RBFOX2: variants seen among roughly 807,000 people sequenced by gnomAD.
The protein encoded by RBFOX2 is RNA binding protein fox-1 homolog 2.
In RBFOX2, 10 loss-of-function variants were observed where a neutral mutation model predicts 49.1. That is an observed-to-expected ratio of 0.20 (90% CI 0.13 to 0.35). RBFOX2 has a LOEUF of 0.35. Ranked by LOEUF, RBFOX2 falls within the 10% of genes least tolerant of loss-of-function variation. The pLI is 1.00. For missense variants in RBFOX2, 323 were observed against 486.9 expected (o/e 0.66, Z 3.17); for synonymous variants, 183 against 187.4 (o/e 0.98, Z 0.19).
At chr22:35,849,298 AACACACACACACACAC>A (rs61515031) in intron 1 of RBFOX2, among the ~76,000 whole-genome samples, 1 of 133,238 alleles carries the variant, frequency 7.5e-6, no homozygotes, top group African/African-American at 2.9e-5. Flanking sequence ...TACACACACA[AACACACACACACACAC>A]ACACACACAC....
At chr22:35,760,725 A>T (rs1164214890) in intron 8 of RBFOX2, among the ~76,000 whole-genome samples, 1 of 152,190 alleles carries the variant, frequency 6.6e-6, no homozygotes, top group Non-Finnish European at 1.5e-5. Flanking sequence ...GCATGCAGAG[A>T]CATTGATTCC....
At chr22:35,871,163 G>A (rs2044308153) in intron 1 of RBFOX2, among the ~76,000 whole-genome samples, 1 of 152,200 alleles carries the variant, frequency 6.6e-6, no homozygotes, top group Non-Finnish European at 1.5e-5. Flanking sequence ...CCTGGGGAGA[G>A]ACAGATGAAT....
Position 35,932,570 on chromosome 22 carries a change from T to C in RBFOX2, c.-34+6277A>G, listed in dbSNP as rs542760076. Among the ~76,000 whole-genome samples the C allele has an allele frequency of 3.3e-5, 5 of 152,310 alleles. No individual in the cohort carries two copies. The South Asian group carries it at 8.3e-4, about 25-fold the overall frequency. ...AAAAAAATATAGTTTTGAGAAGTCA[T>C]TGACAAGCATTTTAAACATCAAAGA... On this transcript the variant is annotated intron_variant, in intron 1 of 13. Coordinates refer to the RBFOX2 transcript ENST00000359369.
intron 1 of RBFOX2, among the ~76,000 whole-genome samples, chr22:35,970,341 T>G (rs2056799544): frequency 6.6e-6 from 1 of 152,140 alleles, no homozygotes; most frequent in African/African-American, 2.4e-5. Flanking sequence ...GAGGATATAT[T>G]GTACATTTAG....
intron 1 of RBFOX2, among the ~76,000 whole-genome samples, chr22:35,881,241 G>A (rs1384861402): frequency 1.3e-5 from 2 of 151,280 alleles, no homozygotes; most frequent in Admixed American, 1.3e-4. Flanking sequence ...CTCCAGCTTG[G>A]CAACAGAGTG....
At chr22:35,891,385 G>A (rs1318832810) in intron 1 of RBFOX2, among the ~76,000 whole-genome samples, 3 of 151,820 alleles carry the variant, frequency 2.0e-5, no homozygotes, top group Non-Finnish European at 2.9e-5. Context: ...CGCCATCCTC[G>A]GCCTTCCAAA....
intron 4 of RBFOX2, among the ~76,000 whole-genome samples, chr22:35,773,763 T>G (rs1187950257): frequency 6.6e-6 from 1 of 152,078 alleles, no homozygotes; most frequent in African/African-American, 2.4e-5. Flanking sequence ...ATGTAAATGT[T>G]ACAATCTGTG....
At chr22:35,885,952 G>C (rs966833413) in intron 1 of RBFOX2, among the ~76,000 whole-genome samples, 2 of 147,788 alleles carry the variant, frequency 1.4e-5, no homozygotes, top group East Asian at 4.1e-4. Flanking sequence ...CACCTCCCGG[G>C]TCCACGCCAT....
At chr22:35,967,455 C>T (rs1245755692) in intron 1 of RBFOX2, among the ~76,000 whole-genome samples, 1 of 149,730 alleles carries the variant, frequency 6.7e-6, no homozygotes, top group African/African-American at 2.5e-5. Context: ...CCTAATAGGT[C>T]AAACAACTCA....
Position 35,792,946 on chromosome 22 carries a change from T to C in RBFOX2, c.253-11200A>G, listed in dbSNP as rs140500930. ...TAAAGTACTTTTGTTTTAATTTTCT[T>C]GGAGACAGGGTCTCCCAATGTTGCC... On this transcript the variant is annotated intron_variant, in intron 2 of 11. Transcript: ENST00000405409. 7.4e-3 allele frequency among the ~76,000 whole-genome samples: 1,128 copies of C among 152,366 alleles called. 4 individuals are homozygous for C. Among genetic ancestry groups the C allele is most frequent in the Middle Eastern group, 0.014 (4 of 294 alleles).
At chr22:35,762,387 T>C (rs1939206692) in intron 6 of RBFOX2, among the ~76,000 whole-genome samples, 1 of 151,984 alleles carries the variant, frequency 6.6e-6, no homozygotes, top group Non-Finnish European at 1.5e-5. Context: ...TAAGCAAAAA[T>C]ACTCTATATT....
At chr22:36,009,948 T>C (rs1284357208) in intron 1 of RBFOX2, among the ~76,000 whole-genome samples, 1 of 152,186 alleles carries the variant, frequency 6.6e-6, no homozygotes, top group African/African-American at 2.4e-5. Context: ...CACTTCACCT[T>C]TCCTATGCTG....
upstream of RBFOX2, among the ~76,000 whole-genome samples, chr22:35,844,660 GTTTT>G (rs557706176): frequency 2.6e-5 from 3 of 114,270 alleles, no homozygotes; most frequent in Non-Finnish European, 5.6e-5. Flanking sequence ...ATGCCCGGCA[GTTTT>G]TTTTTTTTTT....
At chr22:35,915,338 GC>G (rs1486104182) in intron 1 of RBFOX2, among the ~76,000 whole-genome samples, 3 of 152,220 alleles carry the variant, frequency 2.0e-5, no homozygotes, top group Non-Finnish European at 4.4e-5. Context: ...TTGAGGCAAT[GC>G]CCTTCAATTG....
intron 2 of RBFOX2, among the ~76,000 whole-genome samples, chr22:35,787,229 G>C (rs1428860046): frequency 6.6e-6 from 1 of 152,094 alleles, no homozygotes; most frequent in Non-Finnish European, 1.5e-5. Flanking sequence ...TTGTAGAAAT[G>C]GGGTTTTGCC....
chr22:35,794,951 G>A (rs1006310821), intron 2 of RBFOX2, among the ~76,000 whole-genome samples: 3 of 152,142 alleles, frequency 2.0e-5, no homozygotes, highest in Non-Finnish European at 4.4e-5. Flanking sequence ...AACAGTCATG[G>A]AGTTAGCAAT....
chr22:35,807,906 C>T (rs1265705172), intron 2 of RBFOX2, among the ~76,000 whole-genome samples: 3 of 151,870 alleles, frequency 2.0e-5, no homozygotes, highest in Non-Finnish European at 2.9e-5. Flanking sequence ...GATATCACCA[C>T]AGACCCTACA....
chr22:35,799,342 TA>T (rs1486878742), intron 2 of RBFOX2, among the ~76,000 whole-genome samples: 9 of 152,268 alleles, frequency 5.9e-5, no homozygotes. Context: ...GCCCAGGTGG[TA>T]GACCCCTAAC....
chr22:35,831,284 T>C (rs375854481), intron 1 of RBFOX2, among the ~76,000 whole-genome samples: 14 of 151,912 alleles, frequency 9.2e-5, no homozygotes, highest in African/African-American at 3.1e-4. Context: ...TCTACTAAAA[T>C]TACAAAAAAT....
Sources: gnomAD v4.1 joint callset for allele counts (sites outside exome capture counted in the v4.1 genomes callset) on GRCh38, gnomAD v4.1.1 for gene constraint, MANE v1.5 for transcripts, NCBI Gene and HGNC (gene_info 2026-07-23, HGNC 2026-07-21) for gene names.